CACNA2D3: variants seen among roughly 807,000 people sequenced by gnomAD.
The protein encoded by CACNA2D3 is voltage-dependent calcium channel subunit alpha-2/delta-3.
A neutral mutation model predicts 160.6 loss-of-function variants in CACNA2D3; 60 were observed. The observed-to-expected ratio is 0.37, with a 90% CI of 0.30 to 0.46. CACNA2D3 has a LOEUF of 0.46. Ranked by LOEUF, CACNA2D3 falls within the 20% of genes least tolerant of loss-of-function variation. The pLI, the probability that CACNA2D3 is intolerant of heterozygous loss-of-function variation, is 1.00. For missense variants in CACNA2D3, 1,205 were observed against 1,365.0 expected, an observed-to-expected ratio of 0.88 and a Z score of 1.85; for synonymous variants, 558 against 492.9, an observed-to-expected ratio of 1.13 and a Z score of -1.75.
chr3:54,251,325 A>G (rs1217573118), intron 2 of CACNA2D3, among the ~76,000 whole-genome samples: 2 of 152,190 alleles, frequency 1.3e-5, no homozygotes, highest in African/African-American at 4.8e-5. Context: ...AACAGAGTCA[A>G]TCTCTATCAT....
intron 9 of CACNA2D3, chr3:54,626,171 G>A (rs1559530741): frequency 2.9e-6 from 2 of 701,226 alleles, no homozygotes. Flanking sequence ...CACGATAACT[G>A]CGCAGGCGCG....
chr3:54,158,525 C>T (rs1006541796), intron 2 of CACNA2D3, among the ~76,000 whole-genome samples: 3 of 152,134 alleles, frequency 2.0e-5, no homozygotes, highest in East Asian at 3.8e-4. Context: ...TACATAAAAT[C>T]GAATCTCTTG....
intron 4 of CACNA2D3, among the ~76,000 whole-genome samples, chr3:54,490,322 C>G (rs576344762): frequency 8.0e-5 from 2 of 24,986 alleles, no homozygotes; most frequent in Non-Finnish European, 1.6e-4. Flanking sequence ...AAGCACCGTT[C>G]CATCCCTGCG....
chr3:54,488,427 G>T (rs1345990310), intron 4 of CACNA2D3, among the ~76,000 whole-genome samples: 3 of 152,042 alleles, frequency 2.0e-5, no homozygotes, highest in Admixed American at 2.0e-4. Context: ...AGCCCTCAGG[G>T]GAGTTCCTAG....
chr3:54,711,132 C>T (rs1174586687), intron 11 of CACNA2D3, among the ~76,000 whole-genome samples: 1 of 152,228 alleles, frequency 6.6e-6, no homozygotes, highest in Non-Finnish European at 1.5e-5. Context: ...CATAAAATAA[C>T]GTGATTTTTC....
chr3:54,799,179 A>T (rs540260695), intron 13 of CACNA2D3, among the ~76,000 whole-genome samples: 3 of 152,324 alleles, frequency 2.0e-5, no homozygotes, highest in Non-Finnish European at 4.4e-5. Context: ...GATATATATC[A>T]TAACATAGCA....
chr3:54,346,097 A>C (rs573301144), intron 3 of CACNA2D3, among the ~76,000 whole-genome samples: 1 of 152,326 alleles, frequency 6.6e-6, no homozygotes, highest in South Asian at 2.1e-4. Flanking sequence ...ATCCTGGCTC[A>C]AGATGTTTGA....
At chr3:54,473,854 G>A (rs982738772) in intron 4 of CACNA2D3, among the ~76,000 whole-genome samples, 1 of 152,058 alleles carries the variant, frequency 6.6e-6, no homozygotes, top group Non-Finnish European at 1.5e-5. Flanking sequence ...ACCCCATGAC[G>A]ATGGTGCCAT....
intron 34 of CACNA2D3, among the ~76,000 whole-genome samples, chr3:55,010,227 C>T (rs1301979248): frequency 6.6e-6 from 1 of 151,940 alleles, no homozygotes; most frequent in Non-Finnish European, 1.5e-5. Flanking sequence ...GACACTGGGG[C>T]CTACTTGAGG....
chr3:54,317,776 T>A (rs1218394811), intron 2 of CACNA2D3, among the ~76,000 whole-genome samples: 1 of 152,106 alleles, frequency 6.6e-6, no homozygotes, highest in Non-Finnish European at 1.5e-5. Context: ...TGACCTCAGG[T>A]GATCCACCCA....
intron 14 of CACNA2D3, among the ~76,000 whole-genome samples, chr3:54,824,669 G>A (rs1703713319): frequency 6.6e-6 from 1 of 152,098 alleles, no homozygotes; most frequent in Admixed American, 6.6e-5. Flanking sequence ...ATCGTCCTGA[G>A]CCTCGGTTTT....
intron 29 of CACNA2D3, 82 bp downstream of exon 29, chr3:54,969,926 A>T: frequency 1.6e-6 from 2 of 1,213,850 alleles, no homozygotes. Context: ...GAATGCCCTT[A>T]TAAACAAGGC....
At chr3:54,918,662 GC>G (rs1559628751) in intron 27 of CACNA2D3, 1 of 1,614,142 alleles carries the variant, frequency 6.2e-7, no homozygotes, top group Admixed American at 1.7e-5. Context: ...AGGTTGGCCG[GC>G]CTTGGCTTGG....
intron 4 of CACNA2D3, among the ~76,000 whole-genome samples, chr3:54,483,728 A>G (rs994698162): frequency 1.3e-5 from 2 of 152,216 alleles, no homozygotes; most frequent in South Asian, 2.1e-4. Flanking sequence ...TGCAAAACCC[A>G]TAAGGAATGT....
chr3:54,440,275 A>T (rs1347744441), intron 4 of CACNA2D3, among the ~76,000 whole-genome samples: 1 of 152,160 alleles, frequency 6.6e-6, no homozygotes, highest in South Asian at 2.1e-4. Flanking sequence ...GTTAGGAGGG[A>T]TATAAGCAGT....
chr3:54,367,590 C>G, intron 3 of CACNA2D3: 1 of 389,226 alleles, frequency 2.6e-6, no homozygotes. Flanking sequence ...GGAGTTAAGG[C>G]AAGAGAGAAG....
intron 2 of CACNA2D3, among the ~76,000 whole-genome samples, chr3:54,173,065 G>A (rs2107313662): frequency 6.6e-6 from 1 of 152,296 alleles, no homozygotes; most frequent in South Asian, 2.1e-4. Flanking sequence ...GGCATTTATG[G>A]CTCTTTGCAA....
At chr3:54,795,450 T>A (rs1040138357) in intron 13 of CACNA2D3, among the ~76,000 whole-genome samples, 2 of 152,136 alleles carry the variant, frequency 1.3e-5, no homozygotes, top group African/African-American at 2.4e-5. Flanking sequence ...TTTGAACAGA[T>A]AATGAGCATA....
At chr3:54,550,149 C>T (rs1009958777) in intron 5 of CACNA2D3, among the ~76,000 whole-genome samples, 2 of 152,104 alleles carry the variant, frequency 1.3e-5, no homozygotes, top group African/African-American at 4.8e-5. Context: ...TTCTGGTTGA[C>T]GGAATGGCTA....
Sources: allele counts gnomAD v4.1 joint callset (sites outside exome capture counted in the v4.1 genomes callset), GRCh38; gene constraint gnomAD v4.1.1; transcripts MANE v1.5; gene names NCBI Gene and HGNC (gene_info 2026-07-23, HGNC 2026-07-21).